C5orf15: variants seen among roughly 807,000 people sequenced by gnomAD.
C5orf15 encodes the protein keratinocyte-associated transmembrane protein 2.
A neutral mutation model predicts 17.8 loss-of-function variants in C5orf15; 10 were observed. The ratio of observed to expected loss-of-function variants is 0.56; its 90% CI spans 0.35 to 0.95. The LOEUF is 0.95. Among genes scored for constraint, C5orf15 ranks in the 40% least tolerant of loss-of-function variants. The probability of loss-of-function intolerance (pLI) is 0.02; values close to 1 mark genes in which losing one functional copy is unlikely to be tolerated. For synonymous variants in C5orf15, 124 were observed against 131.0 expected (o/e 0.95, Z 0.36); for missense variants, 319 against 331.7 (o/e 0.96, Z 0.30).
Position 133,956,855 on chromosome 5 carries a change from T to G in C5orf15, c.*4A>C, listed in dbSNP as rs1270649078. On this transcript the variant is annotated 3_prime_UTR_variant, in exon 3 of 3. Transcript: ENST00000231512. ...TTACATAAGCAAATTCAAATCACAG[T>G]GCTTTAAAAAATATAATCATTGGTA... is the stretch of plus-strand genomic sequence containing the variant. The G allele has an allele frequency of 6.3e-7, 1 of 1,580,562 alleles. No homozygotes were observed. Among genetic ancestry groups the G allele is most frequent in the Non-Finnish European group, 8.6e-7 (1 of 1,169,060 alleles).
intron 1 of C5orf15, among the ~76,000 whole-genome samples, chr5:133,961,042 G>A (rs1360573175): frequency 6.6e-6 from 1 of 151,464 alleles, no homozygotes; most frequent in Non-Finnish European, 1.5e-5. Context: ...ATTAAACCAA[G>A]TCATTCTAGT....
At position 133,956,752 on chromosome 5, in the gene C5orf15, G is replaced by T. The variant is rs1752047385; in HGVS notation, c.*107C>A. The T allele has an allele frequency of 8.8e-7, 1 of 1,132,846 alleles. No homozygotes were observed. The highest frequency in any genetic ancestry group is 1.6e-5 in the African/African-American group (1 of 61,518). 70.2% of individuals were successfully genotyped at this position (1,132,846 alleles called of 1,614,324 possible). A position where few individuals can be genotyped will look rare whatever the true frequency, so the allele number is the denominator to read the frequency against. ...TTCCAAAGCACCAAGGCAAAAGAGA[G>T]ACTCACCTCTCATTTAAGTACCAAT... On this transcript the variant is annotated 3_prime_UTR_variant, in exon 3 of 3. Coordinates refer to ENST00000231512, the MANE Select transcript of C5orf15 (RefSeq NM_020199.3).
At position 133,959,655 on chromosome 5, in the gene C5orf15, A is replaced by C. The variant is rs1396866402; in HGVS notation, c.505T>G (p.Leu169Val). Reference sequence around the variant, plus strand: ...TCCATGTAACCCCTGTTTTCTTCCAAGGTGTCATCAGACTCGTCGTCGTCC... The same window carrying C: ...TCCATGTAACCCCTGTTTTCTTCCACGGTGTCATCAGACTCGTCGTCGTCC... The part of the protein sequence containing the change: ...PRDDDESDDT[L>V]EENRGYMEIE... The change falls in exon 2 of 3, where the codon TTG becomes GTG. Residue 169 changes from leucine (L) to valine (V), a missense_variant. Around this residue, in one of 3 missense-constraint regions of C5orf15, gnomAD observed 175 missense variants for 192.4 expected, o/e 0.91. Coordinates refer to ENST00000231512, the MANE Select transcript of C5orf15 (RefSeq NM_020199.3). 1 of 1,613,304 alleles carries C rather than the reference A, an allele frequency of 6.2e-7. No individual in the cohort carries two copies. Among genetic ancestry groups the C allele is most frequent in the East Asian group, 2.2e-5 (1 of 44,894 alleles).
intron 2 of C5orf15, among the ~76,000 whole-genome samples, chr5:133,959,076 G>T (rs1486613807): frequency 2.0e-5 from 3 of 152,042 alleles, no homozygotes; most frequent in Admixed American, 6.6e-5. Context: ...CTGAAAAAAA[G>T]GAAAGAGGGC....
chr5:133,965,724 A>G (rs755806755), intron 1 of C5orf15, among the ~76,000 whole-genome samples: 1 of 151,976 alleles, frequency 6.6e-6, no homozygotes, highest in Non-Finnish European at 1.5e-5. Context: ...ACAGGAATTC[A>G]AGACCAGCCT....
rs1752049825 is a variant in C5orf15, at chr5:133,956,917, T to C, written c.740A>G (p.Asp247Gly). The change falls in exon 3 of 3, where the codon GAT (aspartate) becomes GGT (glycine). Residue 247 changes from aspartate (D) to glycine (G), a missense_variant. Physicochemically the swap from Asp to Gly is moderately conservative, Grantham distance 94. This residue lies in a region of C5orf15 where 175 missense variants were observed against 192.4 expected (regional missense o/e 0.91). Coordinates refer to ENST00000231512, the MANE Select transcript of C5orf15 (RefSeq NM_020199.3). ...AGGCATTGCCTCATTAACATTCTGA[T>C]CTAGGCGATGGTATTCCACTGTTTT... The part of the protein sequence containing the change: ...CSKTVEYHRL[D>G]QNVNEAMPSL... 1 of 1,610,654 alleles carries C rather than the reference T, an allele frequency of 6.2e-7. No individual in the cohort carries two copies. Among genetic ancestry groups the C allele is most frequent in the Admixed American group, 1.7e-5 (1 of 59,564 alleles).
intron 1 of C5orf15, among the ~76,000 whole-genome samples, chr5:133,967,069 C>T (rs1187355955): frequency 1.3e-5 from 2 of 152,200 alleles, no homozygotes; most frequent in African/African-American, 4.8e-5. Context: ...AGATATATAT[C>T]CCTTAAGCAT....
rs17167191 is a variant in C5orf15 at position 133,955,622 on chromosome 5, T to C, written c.*1237A>G. 6.5e-5 allele frequency: 10 copies of C among 152,806 alleles called. No homozygotes were observed. The highest frequency in any genetic ancestry group is 2.4e-4 in the African/African-American group (10 of 41,594). 9.5% of individuals were successfully genotyped at this position (152,806 alleles called of 1,614,324 possible). On this transcript the variant is annotated 3_prime_UTR_variant, in exon 3 of 3. Transcript: ENST00000231512. The stretch of plus-strand genomic sequence containing the variant: ...AAACGGTTCAGGGGTATTTCCATTG[T>C]GCTTCCCTTCCCTATTAGGAAAGTA...
intron 1 of C5orf15, among the ~76,000 whole-genome samples, chr5:133,962,281 C>A (rs1475868360): frequency 1.3e-5 from 2 of 151,958 alleles, no homozygotes; most frequent in Non-Finnish European, 1.5e-5. Context: ...ATCAGCAAAT[C>A]CCTTCTTTCA....
intron 2 of C5orf15, among the ~76,000 whole-genome samples, chr5:133,958,329 C>A (rs113399779): frequency 0.016 from 2,373 of 151,684 alleles, 67 homozygotes; most frequent in African/African-American, 0.054. Context: ...GTAATCCCAG[C>A]GTTTTGGGAG....
chr5:133,967,958 C>T (rs367677632), intron 1 of C5orf15, among the ~76,000 whole-genome samples: 1 of 152,072 alleles, frequency 6.6e-6, no homozygotes, highest in Non-Finnish European at 1.5e-5. Flanking sequence ...AAAACCCCCA[C>T]CTTTCCTTGG....
rs1752036697 is a variant in C5orf15, at chr5:133,955,888, A to C, written c.*971T>G. Reference sequence around the variant, plus strand: ...AAATACTTTCCAGTTGCCATAAAAAACAAAAACAAAGAAAACAAGTGTGGG... The same window carrying C: ...AAATACTTTCCAGTTGCCATAAAAACCAAAAACAAAGAAAACAAGTGTGGG... On this transcript the variant is annotated 3_prime_UTR_variant, in exon 3 of 3. Transcript: ENST00000231512. The C allele has an allele frequency of 6.6e-6, 1 of 152,242 alleles. No individual in the cohort carries two copies. The highest frequency in any genetic ancestry group is 1.5e-5 in the Non-Finnish European group (1 of 68,042). The allele number at this position is 152,242 out of a possible 1,614,324, so 9.4% of individuals were successfully genotyped here.
Position 133,956,758 on chromosome 5 carries a change from C to A in C5orf15, c.*101G>T. ...AGCACCAAGGCAAAAGAGAGACTCA[C>A]CTCTCATTTAAGTACCAATTGCCTA... is the stretch of plus-strand genomic sequence containing the variant. On this transcript the variant is annotated 3_prime_UTR_variant, in exon 3 of 3. Coordinates refer to ENST00000231512, the MANE Select transcript of C5orf15 (RefSeq NM_020199.3). 2.5e-5 allele frequency: 29 copies of A among 1,170,886 alleles called. No individual in the cohort carries two copies. The highest frequency in any genetic ancestry group is 3.3e-5 in the Non-Finnish European group (28 of 856,590). The allele number at this position is 1,170,886 out of a possible 1,614,324, so 72.5% of individuals were successfully genotyped here.
intron 1 of C5orf15, among the ~76,000 whole-genome samples, chr5:133,965,146 A>G (rs1015194681): frequency 2.0e-5 from 3 of 152,148 alleles, no homozygotes; most frequent in Admixed American, 1.3e-4. Context: ...CAGGCACTCA[A>G]TAAATATTTA....
chr5:133,958,576 C>CAAAAAAAAAA (rs71581378), intron 2 of C5orf15, among the ~76,000 whole-genome samples: 9 of 31,992 alleles, frequency 2.8e-4, no homozygotes, highest in African/African-American at 7.1e-4. Context: ...AGCTCTGTCT[C>CAAAAAAAAAA]AAAAAAAAAA....
At chr5:133,960,208 A>T (rs1752103848) in intron 1 of C5orf15, among the ~76,000 whole-genome samples, 188 bp from the exon 2 acceptor site, 1 of 152,214 alleles carries the variant, frequency 6.6e-6, no homozygotes, top group Non-Finnish European at 1.5e-5. Flanking sequence ...TATTCTTCAG[A>T]TAATAATTGC....
chr5:133,968,496 G>T lies in C5orf15; in HGVS notation c.89C>A (p.Ala30Glu), dbSNP rs1175311687. ...CAGGAGCGCCAAGACCAGCGGCCGC[G>T]CCAACCCCACAAGGGCTTGGATGGC... ...GSAIQALVGL[A>E]RPLVLALLLV... Residue 30 changes from alanine to glutamate, a missense_variant, in exon 1 of 3, where the codon GCG becomes GAG. This residue lies in a region of C5orf15 where 127 missense variants were observed against 95.6 expected (regional missense o/e 1.33). Transcript: ENST00000231512. The T allele has an allele frequency of 3.7e-6, 6 of 1,604,792 alleles. No individual in the cohort carries two copies. In the African/African-American group the frequency reaches 4.0e-5, roughly 11 times the overall value.
intron 1 of C5orf15, among the ~76,000 whole-genome samples, chr5:133,961,471 G>A (rs1243855518): frequency 1.3e-5 from 2 of 151,202 alleles, no homozygotes; most frequent in Non-Finnish European, 2.9e-5. Flanking sequence ...GCGTGAACCT[G>A]GGAGGTGGAG....
chr5:133,967,961 T>G (rs1469636813), intron 1 of C5orf15, among the ~76,000 whole-genome samples: 1 of 151,918 alleles, frequency 6.6e-6, no homozygotes, highest in African/African-American at 2.4e-5. Flanking sequence ...ACCCCCACCT[T>G]TCCTTGGTCC....
Sources: gnomAD v4.1 joint callset for allele counts (sites outside exome capture counted in the v4.1 genomes callset) on GRCh38, gnomAD v4.1.1 for gene constraint, gnomAD v4.1.1 regional missense constraint, MANE v1.5 for transcripts, NCBI Gene and HGNC (gene_info 2026-07-23, HGNC 2026-07-21) for gene names.